Variants in SMPD3 observed in about 807,000 individuals in gnomAD.
SMPD3 encodes nSMase-2.
SMPD3 carries 21 observed loss-of-function variants against 55.7 expected under a neutral mutation model. The observed-to-expected ratio is 0.38, with a 90% CI of 0.27 to 0.54. The LOEUF is 0.54. Ranked by LOEUF, SMPD3 falls within the 20% of genes least tolerant of loss-of-function variation. The pLI is 0.80. For missense variants in SMPD3, 842 were observed against 899.6 expected, an observed-to-expected ratio of 0.94 and a Z score of 0.82; for synonymous variants, 457 against 404.3, an observed-to-expected ratio of 1.13 and a Z score of -1.56.
chr16:68,378,856 C>A (rs1023351505), intron 2 of SMPD3, among the ~76,000 whole-genome samples: 1 of 152,200 alleles, frequency 6.6e-6, no homozygotes, highest in Non-Finnish European at 1.5e-5. Flanking sequence ...GCTTCTGGAA[C>A]CTTCTTTGAG....
At position 68,370,783 on chromosome 16, in the gene SMPD3, C is replaced by T. The variant is rs941922306; in HGVS notation, c.1323+76G>A. 6 of 1,565,778 alleles carry T rather than the reference C, an allele frequency of 3.8e-6. No homozygotes were observed. The South Asian group carries it at 4.7e-5, about 12-fold the overall frequency. The stretch of plus-strand genomic sequence containing the variant: ...CAGCCCCCATGACGATGAGGACTCC[C>T]CGCTGCAGCCCCCCTGCCTACATGG... On this transcript the variant is annotated intron_variant, in intron 3 of 8. Coordinates refer to ENST00000219334, the MANE Select transcript of SMPD3 (RefSeq NM_018667.4).
intron 2 of SMPD3, among the ~76,000 whole-genome samples, chr16:68,386,083 G>A (rs927294799): frequency 2.0e-5 from 3 of 152,126 alleles, no homozygotes; most frequent in African/African-American, 4.8e-5. Context: ...TTAGCCAGGC[G>A]TGGTGGTGTG....
intron 1 of SMPD3, among the ~76,000 whole-genome samples, chr16:68,419,691 GCA>G (rs1357628389): frequency 6.6e-6 from 1 of 152,166 alleles, no homozygotes; most frequent in Non-Finnish European, 1.5e-5. Flanking sequence ...CTCCAACATA[GCA>G]CAGATGCCCC....
Position 68,359,198 on chromosome 16 carries a change from G to A in SMPD3, c.*2008C>T, listed in dbSNP as rs1399898676. On this transcript the variant is annotated 3_prime_UTR_variant, in exon 9 of 9. Coordinates refer to ENST00000219334, the MANE Select transcript of SMPD3 (RefSeq NM_018667.4). Reference sequence around the variant, plus strand: ...TGTGCAGGCAGTCGGCAGGCGGCTCGGGGTCTAGGGGTCCAGGGCCGGCCG... The same window carrying A: ...TGTGCAGGCAGTCGGCAGGCGGCTCAGGGTCTAGGGGTCCAGGGCCGGCCG... 2 of 152,352 alleles carry A rather than the reference G, an allele frequency of 1.3e-5. No individual in the cohort carries two copies. Among genetic ancestry groups the A allele is most frequent in the Non-Finnish European group, 2.9e-5 (2 of 68,112 alleles). 9.4% of individuals were successfully genotyped at this position (152,352 alleles called of 1,614,324 possible).
chr16:68,441,615 T>C (rs573138611), intron 1 of SMPD3, among the ~76,000 whole-genome samples: 3 of 152,274 alleles, frequency 2.0e-5, no homozygotes, highest in African/African-American at 7.2e-5. Context: ...CAAAAGCTAG[T>C]GTATGTTTTA....
At chr16:68,446,624 C>T (rs951332447) in intron 1 of SMPD3, among the ~76,000 whole-genome samples, 1 of 152,190 alleles carries the variant, frequency 6.6e-6, no homozygotes, top group Non-Finnish European at 1.5e-5. Flanking sequence ...CTGACCCACA[C>T]CATCATCCAT....
At chr16:68,409,024 C>T (rs570771450) in intron 1 of SMPD3, among the ~76,000 whole-genome samples, 45 of 152,288 alleles carry the variant, frequency 3.0e-4, no homozygotes, top group African/African-American at 1.1e-3. Context: ...CTCACAAGGG[C>T]CCTGCACTGC....
In SMPD3 at chr16:68,358,410, A is replaced by G. The variant is rs1332133112; in HGVS notation, c.*2796T>C. The stretch of plus-strand genomic sequence containing the variant: ...GGAAAAAGAACACCTCTCTTCGCAA[A>G]ATATTTTATCAGGTGTAAAGACTTG... On this transcript the variant is annotated 3_prime_UTR_variant, in exon 9 of 9. Transcript: ENST00000219334. 6.5e-6 allele frequency: 1 copy of G among 152,720 alleles called. No homozygotes were observed. The highest frequency in any genetic ancestry group is 1.5e-5 in the Non-Finnish European group (1 of 68,048). The allele number at this position is 152,720 out of a possible 1,614,324, so 9.5% of individuals were successfully genotyped here. A position where few individuals can be genotyped will look rare whatever the true frequency, so the allele number is the denominator to read the frequency against.
chr16:68,441,958 G>C (rs1475519868), intron 1 of SMPD3, among the ~76,000 whole-genome samples: 1 of 152,016 alleles, frequency 6.6e-6, no homozygotes, highest in Non-Finnish European at 1.5e-5. Flanking sequence ...TAGAGACGGG[G>C]TCTCACTATG....
intron 1 of SMPD3, among the ~76,000 whole-genome samples, chr16:68,401,857 A>T (rs2090208791): frequency 1.3e-5 from 2 of 152,062 alleles, no homozygotes; most frequent in South Asian, 4.2e-4. Context: ...AGCAGCTTCC[A>T]GTTTATCCTC....
chr16:68,379,519 C>A (rs1209562333), intron 2 of SMPD3, among the ~76,000 whole-genome samples: 1 of 152,200 alleles, frequency 6.6e-6, no homozygotes, highest in Non-Finnish European at 1.5e-5. Flanking sequence ...ACAGCCGGAG[C>A]CTTCAAAGTC....
chr16:68,372,097 A>G lies in SMPD3; in HGVS notation c.85T>C (p.Trp29Arg). ...VSWALIFPCYWLVDRLAASFI... is the reference protein window; with the variant it reads ...VSWALIFPCYRLVDRLAASFI... Reference sequence around the variant, plus strand: ...GAGGCAGCGAGCCGGTCCACCAGCCAGTAGCATGGAAAGATAAGGGCCCAG... The same window carrying G: ...GAGGCAGCGAGCCGGTCCACCAGCCGGTAGCATGGAAAGATAAGGGCCCAG... Residue 29 changes from tryptophan to arginine, a missense_variant, in exon 3 of 9, where the codon TGG becomes CGG. Transcript: ENST00000219334. 6.2e-7 allele frequency: 1 copy of G among 1,612,644 alleles called. No homozygotes were observed. The highest frequency in any genetic ancestry group is 8.5e-7 in the Non-Finnish European group (1 of 1,179,508).
In SMPD3 at chr16:68,361,526, G is replaced by A. The variant is rs1430417092; in HGVS notation, c.1866+77C>T. ...GGCCTGGGGCGTGGGGTTTCAGGGAGCGGCTGTCGAGAGCTGCAGGGCCCG... is the reference window on the plus strand; with the variant it reads ...GGCCTGGGGCGTGGGGTTTCAGGGAACGGCTGTCGAGAGCTGCAGGGCCCG... On this transcript the variant is annotated intron_variant, in intron 8 of 8. Coordinates refer to ENST00000219334, the MANE Select transcript of SMPD3 (RefSeq NM_018667.4). 6.4e-6 allele frequency: 10 copies of A among 1,566,122 alleles called. No homozygotes were observed. In the South Asian group the frequency reaches 6.9e-5, roughly 11 times the overall value.
intron 2 of SMPD3, among the ~76,000 whole-genome samples, chr16:68,377,912 A>G (rs1481736304): frequency 6.6e-6 from 1 of 152,194 alleles, no homozygotes; most frequent in Non-Finnish European, 1.5e-5. Flanking sequence ...CCTGTGAGGA[A>G]GCCTACAGCA....
chr16:68,388,562 G>A (rs753672141), intron 1 of SMPD3, among the ~76,000 whole-genome samples: 3 of 152,100 alleles, frequency 2.0e-5, no homozygotes, highest in Non-Finnish European at 2.9e-5. Flanking sequence ...CCCTGAGTGA[G>A]AAGTTTGTCA....
intron 1 of SMPD3, among the ~76,000 whole-genome samples, chr16:68,400,607 T>G (rs942507909): frequency 6.6e-6 from 1 of 152,214 alleles, no homozygotes; most frequent in Non-Finnish European, 1.5e-5. Flanking sequence ...AGAGATGAAC[T>G]TTTTTAGTAC....
At chr16:68,388,564 A>C (rs757160939) in intron 1 of SMPD3, among the ~76,000 whole-genome samples, 2 of 152,094 alleles carry the variant, frequency 1.3e-5, no homozygotes, top group African/African-American at 2.4e-5. Context: ...CTGAGTGAGA[A>C]GTTTGTCAAG....
At chr16:68,418,258 G>T (rs1017450880) in intron 1 of SMPD3, among the ~76,000 whole-genome samples, 3 of 151,648 alleles carry the variant, frequency 2.0e-5, no homozygotes, top group African/African-American at 7.3e-5. Flanking sequence ...TGCCCACCGA[G>T]TTCATCCAGG....
chr16:68,402,050 C>A (rs2090211953), intron 1 of SMPD3, among the ~76,000 whole-genome samples: 1 of 152,322 alleles, frequency 6.6e-6, no homozygotes, highest in South Asian at 2.1e-4. Flanking sequence ...CAAGCTCCGA[C>A]TCTCCTTCAC....
Sources: allele counts gnomAD v4.1 joint callset (sites outside exome capture counted in the v4.1 genomes callset), GRCh38; gene constraint gnomAD v4.1.1; transcripts MANE v1.5; gene names NCBI Gene and HGNC (gene_info 2026-07-23, HGNC 2026-07-21).